AFAP1L2: variants seen among roughly 807,000 people sequenced by gnomAD.
AFAP1L2 encodes actin filament-associated protein 1-like 2.
A neutral mutation model predicts 99.3 loss-of-function variants in AFAP1L2; 46 were observed. That is an observed-to-expected ratio of 0.46 (90% CI 0.37 to 0.59). The LOEUF (loss-of-function observed/expected upper bound fraction) is 0.59. AFAP1L2 is among the 20% of genes least tolerant of loss of function. The pLI, the probability that AFAP1L2 is intolerant of heterozygous loss-of-function variation, is 0.00. For missense variants in AFAP1L2, 959 were observed against 1,034.9 expected (o/e 0.93, Z 1.01); for synonymous variants, 397 against 419.1 (o/e 0.95, Z 0.64).
intron 1 of AFAP1L2, among the ~76,000 whole-genome samples, chr10:114,398,669 A>G (rs915503671): frequency 6.6e-6 from 1 of 152,286 alleles, no homozygotes; most frequent in Non-Finnish European, 1.5e-5. Context: ...CCAAGGTCGC[A>G]TAGCGAGTTA....
Position 114,304,800 on chromosome 10 carries a change from G to T in AFAP1L2, c.1203C>A (p.Cys401Ter). 1.2e-6 allele frequency: 2 copies of T among 1,613,262 alleles called. No homozygotes were observed. Among genetic ancestry groups the T allele is most frequent in the Non-Finnish European group, 1.7e-6 (2 of 1,180,014 alleles). The change falls in exon 11 of 19, where the codon TGC becomes TGA. Residue 401 changes from cysteine to a stop codon, truncating the protein, a stop_gained. Coordinates refer to ENST00000304129, the MANE Select transcript of AFAP1L2 (RefSeq NM_001001936.3). LOFTEE classifies it high-confidence loss of function. ...CGGGGCTGGGGTCTGGGACCACCTC[G>T]CAGCCCACCAGGCTGAGGGGTTGCT... ...VAQQPLSLVG[C>*]EVVPDPSPDH...
intron 1 of AFAP1L2, among the ~76,000 whole-genome samples, chr10:114,386,405 A>C (rs1291605643): frequency 6.6e-6 from 1 of 152,148 alleles, no homozygotes; most frequent in Non-Finnish European, 1.5e-5. Context: ...CATCTCCAAA[A>C]AAAGAAAAAA....
intron 4 of AFAP1L2, 118 bp downstream of exon 4, chr10:114,331,685 C>T: frequency 1.4e-6 from 1 of 708,264 alleles, no homozygotes; most frequent in Non-Finnish European, 2.1e-6. Flanking sequence ...GTCCCAGTCC[C>T]TGAACACAGT....
intron 3 of AFAP1L2, 60 bp from the exon 4 acceptor site, chr10:114,331,957 C>T (rs1461247048): frequency 7.9e-6 from 9 of 1,140,976 alleles, no homozygotes; most frequent in African/African-American, 1.6e-5. Flanking sequence ...ACAGGGTCTC[C>T]TTCCTCAGGA....
chr10:114,346,432 CG>C (rs2136081797), intron 1 of AFAP1L2, among the ~76,000 whole-genome samples: 1 of 152,288 alleles, frequency 6.6e-6, no homozygotes, highest in Non-Finnish European at 1.5e-5. Flanking sequence ...AGGCCATAGG[CG>C]ATTCTCCTCC....
At chr10:114,301,491 A>G (rs1564790698) in intron 12 of AFAP1L2, 26 bp from the exon 13 acceptor site, 1 of 1,543,584 alleles carries the variant, frequency 6.5e-7, no homozygotes, top group Non-Finnish European at 9.0e-7. Context: ...GGTGGCACAC[A>G]TGAAGCAGCC....
At chr10:114,318,748 G>GAAAAAAAAAAAAGAA (rs58243775) in intron 5 of AFAP1L2, among the ~76,000 whole-genome samples, 1 of 118,890 alleles carries the variant, frequency 8.4e-6, no homozygotes, top group Non-Finnish European at 1.7e-5. Context: ...CTAAAAAAAA[G>GAAAAAAAAAAAAGAA]AAAAAAAAAA....
intron 5 of AFAP1L2, among the ~76,000 whole-genome samples, chr10:114,319,111 G>A (rs942709689): frequency 3.9e-5 from 6 of 152,172 alleles, no homozygotes; most frequent in Admixed American, 1.3e-4. Context: ...CCAAGATCAT[G>A]CCACTGCACT....
intron 9 of AFAP1L2, 61 bp from the exon 10 acceptor site, chr10:114,307,970 A>G: frequency 6.7e-7 from 1 of 1,491,122 alleles, no homozygotes; most frequent in East Asian, 2.3e-5. Flanking sequence ...TGCCCATGAG[A>G]GATGGAAAAA....
chr10:114,358,717 C>T (rs1245365291), intron 1 of AFAP1L2, among the ~76,000 whole-genome samples: 3 of 152,060 alleles, frequency 2.0e-5, no homozygotes, highest in African/African-American at 7.2e-5. Flanking sequence ...GAGTTCGAGA[C>T]CAGCCTGGTC....
chr10:114,297,537 A>C, intron 16 of AFAP1L2, 124 bp from the exon 17 acceptor site: 4 of 1,030,660 alleles, frequency 3.9e-6, no homozygotes, highest in Non-Finnish European at 5.6e-6. Context: ...TGGCCCCAAC[A>C]CTCAGAGCCA....
chr10:114,304,393 G>A (rs2041772019), intron 11 of AFAP1L2, among the ~76,000 whole-genome samples: 1 of 152,118 alleles, frequency 6.6e-6, no homozygotes, highest in African/African-American at 2.4e-5. Flanking sequence ...GGGCCTAGAG[G>A]CTCTCCCAGC....
chr10:114,398,602 C>T (rs2057951160), intron 1 of AFAP1L2, among the ~76,000 whole-genome samples: 1 of 152,264 alleles, frequency 6.6e-6, no homozygotes, highest in Non-Finnish European at 1.5e-5. Context: ...GATTAGTAAT[C>T]ATTATTCTCA....
Position 114,366,967 on chromosome 10 carries a change from C to CA in AFAP1L2, c.17-26237dup, listed in dbSNP as rs1450346188. ...GGGTGACAGAGTGAGACTCCTGTCTCAAAAAAACAACAACAAAAAAGAATT... is the reference window on the plus strand; with the variant it reads ...GGGTGACAGAGTGAGACTCCTGTCTCAAAAAAAACAACAACAAAAAAGAATT... On this transcript the variant is annotated intron_variant, in intron 1 of 18. Coordinates refer to ENST00000304129, the MANE Select transcript of AFAP1L2 (RefSeq NM_001001936.3). 2.6e-5 allele frequency among the ~76,000 whole-genome samples: 4 copies of CA among 151,914 alleles called. No individual in the cohort carries two copies. In the East Asian group the frequency reaches 5.8e-4, roughly 22 times the overall value.
intron 1 of AFAP1L2, among the ~76,000 whole-genome samples, chr10:114,397,324 G>C (rs1015604497): frequency 2.6e-5 from 4 of 152,180 alleles, no homozygotes; most frequent in Non-Finnish European, 4.4e-5. Flanking sequence ...TTTCCAGAAA[G>C]TCATATAAAT....
chr10:114,291,157 G>A, downstream of AFAP1L2: 3 of 1,547,086 alleles, frequency 1.9e-6, no homozygotes, highest in Non-Finnish European at 2.6e-6. Flanking sequence ...CTCAGAGGCT[G>A]CTGGAGGGCT....
chr10:114,313,918 T>C lies in AFAP1L2; in HGVS notation c.745A>G (p.Ile249Val), dbSNP rs758187655. The C allele has an allele frequency of 5.6e-6, 9 of 1,613,768 alleles. No individual in the cohort carries two copies. In the Admixed American group the frequency reaches 1.3e-4, roughly 24 times the overall value. ...LKITPMNADV[I>V]VLGLQSKDQA... ...TCCTTGCTCTGCAGGCCCAGCACAA[T>C]CACATCGGCATTCATCGGCGTGATC... Residue 249 changes from isoleucine to valine, a missense_variant, in exon 7 of 19, where the codon ATT becomes GTT. Ile to Val is a conservative substitution (Grantham distance 29, BLOSUM62 3). Coordinates refer to ENST00000304129, the MANE Select transcript of AFAP1L2 (RefSeq NM_001001936.3).
At chr10:114,343,437 G>A (rs1590346575) in intron 1 of AFAP1L2, among the ~76,000 whole-genome samples, 1 of 152,316 alleles carries the variant, frequency 6.6e-6, no homozygotes, top group East Asian at 1.9e-4. Context: ...GGAGAAACAG[G>A]CACTTTGTGG....
chr10:114,334,410 T>A (rs1300042647), intron 2 of AFAP1L2, among the ~76,000 whole-genome samples: 1 of 152,222 alleles, frequency 6.6e-6, no homozygotes, highest in East Asian at 1.9e-4. Flanking sequence ...TAAATTCCAG[T>A]GGTTAGAGAC....
Sources: allele counts gnomAD v4.1 joint callset (sites outside exome capture counted in the v4.1 genomes callset), GRCh38; gene constraint gnomAD v4.1.1; transcripts MANE v1.5; gene names NCBI Gene and HGNC (gene_info 2026-07-23, HGNC 2026-07-21).